The following BRINP3 variants were observed in gnomAD, a reference collection of about 807,000 sequenced individuals.
BRINP3 encodes the protein BMP/retinoic acid-inducible neural-specific protein 3.
Under a neutral mutation model 71.0 loss-of-function variants are expected in BRINP3, and 19 were observed. That is an observed-to-expected ratio of 0.27 (90% CI 0.19 to 0.39). The LOEUF (loss-of-function observed/expected upper bound fraction) is 0.39, where lower values mean the gene tolerates loss of function less well. BRINP3 is among the 10% of genes least tolerant of loss of function. BRINP3 has a pLI of 1.00. For synonymous variants in BRINP3, 380 were observed against 337.7 expected (o/e 1.13, Z -1.37); for missense variants, 959 against 940.8 (o/e 1.02, Z -0.25).
At chr1:190,363,026 T>C (rs539909308) in intron 2 of BRINP3, among the ~76,000 whole-genome samples, 1 of 152,262 alleles carries the variant, frequency 6.6e-6, no homozygotes, top group East Asian at 1.9e-4. Flanking sequence ...GACTTTGAGT[T>C]AAATATAATG....
chr1:190,222,242 C>T (rs1030901289), intron 6 of BRINP3, among the ~76,000 whole-genome samples: 5 of 151,296 alleles, frequency 3.3e-5, no homozygotes, highest in African/African-American at 1.2e-4. Flanking sequence ...GGAATAAAAA[C>T]CACAAATTGA....
rs201302549 is a variant in BRINP3, at chr1:190,410,810, C to CT, written c.236+43844dup. ...AGTAAGAGAAAATATGCTGATGACT[C>CT]TAACAAGAGTTATTTCAGTAAAGTA... On this transcript the variant is annotated intron_variant, in intron 2 of 7. Transcript: ENST00000367462. Among the ~76,000 whole-genome samples, 972 of 152,144 alleles carry CT rather than the reference C, an allele frequency of 6.4e-3. 9 individuals carry two copies. Among genetic ancestry groups the CT allele is most frequent in the Non-Finnish European group, 0.01 (713 of 67,956 alleles).
chr1:190,247,241 G>A (rs976935914), intron 4 of BRINP3, among the ~76,000 whole-genome samples: 7 of 151,782 alleles, frequency 4.6e-5, no homozygotes, highest in East Asian at 1.9e-4. Flanking sequence ...TGAAGCTCCT[G>A]AGCCTCAGGA....
rs376225189 is a variant in BRINP3, at chr1:190,187,690, T to C, written c.962-26800A>G. Among the ~76,000 whole-genome samples the C allele has an allele frequency of 2.0e-5, 3 of 152,270 alleles. No homozygotes were observed. In the East Asian group the frequency reaches 5.8e-4, roughly 29 times the overall value. On this transcript the variant is annotated intron_variant, in intron 6 of 7. Transcript: ENST00000367462. ...TTGCCAAAAAGTAGTTCACTGTAAA[T>C]GCATGGATTTATTTCAGGACTTTCT...
chr1:190,449,403 A>C (rs1291274354), intron 2 of BRINP3, among the ~76,000 whole-genome samples: 1 of 152,024 alleles, frequency 6.6e-6, no homozygotes, highest in Admixed American at 6.6e-5. Flanking sequence ...GATCATGAAG[A>C]GGTAATCTCT....
intron 3 of BRINP3, among the ~76,000 whole-genome samples, chr1:190,266,668 A>G (rs530797500): frequency 6.6e-6 from 1 of 152,264 alleles, no homozygotes; most frequent in Admixed American, 6.5e-5. Flanking sequence ...AGGTGAGGAA[A>G]TTTCAGGAAG....
At chr1:190,141,374 T>C (rs1434110987) in intron 7 of BRINP3, among the ~76,000 whole-genome samples, 1 of 152,028 alleles carries the variant, frequency 6.6e-6, no homozygotes, top group Non-Finnish European at 1.5e-5. Context: ...TTTAAATCCA[T>C]ATTCTTGATT....
intron 2 of BRINP3, among the ~76,000 whole-genome samples, chr1:190,344,392 C>T (rs1327852304): frequency 6.6e-6 from 1 of 151,838 alleles, no homozygotes; most frequent in Non-Finnish European, 1.5e-5. Context: ...CAGTTTGACG[C>T]TACAGAGCTG....
Position 190,226,238 on chromosome 1 carries a change from C to T in BRINP3, c.805G>A (p.Gly269Arg), listed in dbSNP as rs768095544. The T allele has an allele frequency of 6.2e-7, 1 of 1,612,242 alleles. No individual in the cohort carries two copies. The highest frequency in any genetic ancestry group is 8.5e-7 in the Non-Finnish European group (1 of 1,179,032). ...TCATTTTCCTTGCAGATAAACTCTC[C>T]CTCTGAATTGCAAGCAATGTAGCTC... ...ALSYIACNSEGEFICKENDCW... is the reference protein window; with the variant it reads ...ALSYIACNSEREFICKENDCW... Residue 269 changes from glycine to arginine, a missense_variant, in exon 6 of 8, where the codon GGA becomes AGA. Coordinates refer to ENST00000367462, the MANE Select transcript of BRINP3 (RefSeq NM_199051.3).
At chr1:190,374,534 A>C (rs1268015938) in intron 2 of BRINP3, among the ~76,000 whole-genome samples, 1 of 148,372 alleles carries the variant, frequency 6.7e-6, no homozygotes, top group Non-Finnish European at 1.5e-5. Context: ...ATATGATTTA[A>C]ACTTGGCAAT....
chr1:190,146,097 T>A (rs1488008466), intron 7 of BRINP3, among the ~76,000 whole-genome samples: 1 of 152,070 alleles, frequency 6.6e-6, no homozygotes, highest in Admixed American at 6.6e-5. Flanking sequence ...ACACATTGGG[T>A]ACAGTGTACA....
intron 7 of BRINP3, among the ~76,000 whole-genome samples, chr1:190,126,268 A>G (rs938039612): frequency 3.9e-5 from 6 of 152,024 alleles, no homozygotes; most frequent in Non-Finnish European, 7.4e-5. Context: ...TTTATTTCAT[A>G]GAACATTGGC....
chr1:190,207,261 T>C (rs1239476714), intron 6 of BRINP3, among the ~76,000 whole-genome samples: 1 of 152,108 alleles, frequency 6.6e-6, no homozygotes, highest in African/African-American at 2.4e-5. Context: ...CAATAGTGTT[T>C]GGGGAAATTT....
intron 2 of BRINP3, among the ~76,000 whole-genome samples, chr1:190,284,743 T>C (rs1663289915): frequency 6.6e-6 from 1 of 152,044 alleles, no homozygotes; most frequent in African/African-American, 2.4e-5. Flanking sequence ...CCCCATCTAT[T>C]AATCTATTAT....
chr1:190,371,946 G>C (rs1401243732), intron 2 of BRINP3, among the ~76,000 whole-genome samples: 1 of 152,110 alleles, frequency 6.6e-6, no homozygotes, highest in Non-Finnish European at 1.5e-5. Context: ...ATAAGCTTCA[G>C]GGGCTTCCTC....
intron 6 of BRINP3, among the ~76,000 whole-genome samples, chr1:190,222,488 C>T (rs1022060795): frequency 6.6e-5 from 10 of 151,456 alleles, no homozygotes; most frequent in African/African-American, 2.4e-4. Flanking sequence ...TGAACCTCAA[C>T]GAACGAGAAA....
chr1:190,421,135 T>C (rs1673351444), intron 2 of BRINP3, among the ~76,000 whole-genome samples: 1 of 151,594 alleles, frequency 6.6e-6, no homozygotes, highest in South Asian at 2.1e-4. Context: ...CCTGTTATAA[T>C]CCAATAAATT....
At chr1:190,129,658 T>C (rs12095201) in intron 7 of BRINP3, among the ~76,000 whole-genome samples, 8,008 of 151,994 alleles carry the variant, frequency 0.053, 708 homozygotes, top group African/African-American at 0.18. Flanking sequence ...AAACAAAGGA[T>C]TGTTTTTAGT....
intron 2 of BRINP3, among the ~76,000 whole-genome samples, chr1:190,385,185 C>T (rs1402312256): frequency 3.3e-5 from 5 of 152,054 alleles, no homozygotes; most frequent in Admixed American, 3.3e-4. Flanking sequence ...GACTTCATGT[C>T]TAAAACACCA....
Sources: gnomAD v4.1 joint callset for allele counts (sites outside exome capture counted in the v4.1 genomes callset) on GRCh38, gnomAD v4.1.1 for gene constraint, MANE v1.5 for transcripts, NCBI Gene and HGNC (gene_info 2026-07-23, HGNC 2026-07-21) for gene names.